The following CD109 variants were observed in gnomAD, a reference collection of about 807,000 sequenced individuals.
The protein encoded by CD109 is CD109 antigen.
CD109 carries 149 observed loss-of-function variants against 165.8 expected under a neutral mutation model. The ratio of observed to expected loss-of-function variants is 0.90; its 90% CI spans 0.79 to 1.03. The LOEUF (loss-of-function observed/expected upper bound fraction) is 1.03. Among genes scored for constraint, CD109 ranks in the 50% least tolerant of loss-of-function variants. The pLI, the probability that CD109 is intolerant of heterozygous loss-of-function variation, is 0.00. For missense variants in CD109, 1,712 were observed against 1,677.8 expected (o/e 1.02, Z -0.36); for synonymous variants, 585 against 592.1 (o/e 0.99, Z 0.18).
At chr6:73,711,440 T>TC in intron 2 of CD109, among the ~76,000 whole-genome samples, 1 of 152,254 alleles carries the variant, frequency 6.6e-6, no homozygotes, top group Admixed American at 6.5e-5. Flanking sequence ...ACTTGTGTTT[T>TC]CTGTGTAGAC....
At chr6:73,818,559 CT>C (rs748954500) in intron 31 of CD109, 24 bp downstream of exon 31, 35 of 1,604,430 alleles carry the variant, frequency 2.2e-5, no homozygotes, top group Non-Finnish European at 2.8e-5. Context: ...CATAAGGTAA[CT>C]GTTGACAAAG....
rs556267464 is a variant in CD109 at position 73,806,525 on chromosome 6, A to C, written c.2961-319A>C. ...TTAAAGTATAATAAATAAAAATAAA[A>C]TAAAATAAAATTAAATTAAAAAATG... On this transcript the variant is annotated intron_variant, in intron 24 of 32. Transcript: ENST00000287097. Among the ~76,000 whole-genome samples the C allele has an allele frequency of 3.9e-5, 6 of 152,234 alleles. No individual in the cohort carries two copies. The East Asian group carries it at 1.2e-3, about 29-fold the overall frequency.
At chr6:73,790,099 CTTT>C (rs56024477) in intron 22 of CD109, among the ~76,000 whole-genome samples, 5 of 130,052 alleles carry the variant, frequency 3.8e-5, no homozygotes, top group African/African-American at 1.5e-4. Flanking sequence ...GCTAAAAGTC[CTTT>C]TTTTTTTTTT....
At chr6:73,789,574 C>G (rs888972847) in intron 22 of CD109, among the ~76,000 whole-genome samples, 1 of 151,774 alleles carries the variant, frequency 6.6e-6, no homozygotes, top group African/African-American at 2.4e-5. Flanking sequence ...CTGCCACAGC[C>G]TCCCGAGTAG....
At chr6:73,761,072 A>C (rs60204395) in intron 7 of CD109, among the ~76,000 whole-genome samples, 32 of 122,058 alleles carry the variant, frequency 2.6e-4, no homozygotes, top group African/African-American at 8.9e-4. Flanking sequence ...CACACACACA[A>C]ACCCAGAAAC....
At chr6:73,820,993 G>A (rs1776088265) in intron 32 of CD109, among the ~76,000 whole-genome samples, 1 of 152,112 alleles carries the variant, frequency 6.6e-6, no homozygotes, top group African/African-American at 2.4e-5. Flanking sequence ...AAAAAAGGAT[G>A]AGTTCATGTC....
intron 32 of CD109, among the ~76,000 whole-genome samples, chr6:73,822,477 G>GTTCAA (rs1776137862): frequency 6.6e-6 from 1 of 152,178 alleles, no homozygotes; most frequent in South Asian, 2.1e-4. Flanking sequence ...GAGGAAGAGG[G>GTTCAA]TTCACCCAGG....
At chr6:73,775,799 G>T (rs1774224749) in intron 15 of CD109, among the ~76,000 whole-genome samples, 1 of 152,132 alleles carries the variant, frequency 6.6e-6, no homozygotes. Flanking sequence ...GAGTTAGTTT[G>T]CTAAGGATAA....
chr6:73,782,852 T>C lies in CD109; in HGVS notation c.2105+97T>C. On this transcript the variant is annotated intron_variant, in intron 18 of 32. Coordinates refer to ENST00000287097, the MANE Select transcript of CD109 (RefSeq NM_133493.5). ...TTCTAATGTTTAAGTACAAACATAGTGTAACTAAGAACTAAGTAGACCAAA... is the reference window on the plus strand; with the variant it reads ...TTCTAATGTTTAAGTACAAACATAGCGTAACTAAGAACTAAGTAGACCAAA... 3 of 1,183,222 alleles carry C rather than the reference T, an allele frequency of 2.5e-6. No homozygotes were observed. The East Asian group carries it at 7.1e-5, about 28-fold the overall frequency. 73.3% of individuals were successfully genotyped at this position (1,183,222 alleles called of 1,614,324 possible). A position where few individuals can be genotyped will look rare whatever the true frequency, so the allele number is the denominator to read the frequency against.
rs1489598055 is a variant in CD109 at position 73,772,169 on chromosome 6, AGT to A, written c.1827+593_1827+594del. Among the ~76,000 whole-genome samples, 4 of 152,118 alleles carry A rather than the reference AGT, an allele frequency of 2.6e-5. No homozygotes were observed. In the East Asian group the frequency reaches 7.7e-4, roughly 29 times the overall value. On this transcript the variant is annotated intron_variant, in intron 15 of 32. Transcript: ENST00000287097. ...TAAGAGAGCTTTAGATAATTTTTGA[AGT>A]GTGTTCTATTTTGGTTATACGTAAT...
In CD109 at chr6:73,811,087, AC is replaced by A. The variant is rs1166946378; in HGVS notation, c.3644del (p.Pro1215GlnfsTer4). 60 of 1,613,356 alleles carry A rather than the reference AC, an allele frequency of 3.7e-5. 1 individual carries two copies. The Admixed American group carries it at 7.7e-4, about 21-fold the overall frequency. ...AAGTGACCGTGACGGGGCCTAGCTC[AC>A]CAAGTCCTGTAAAGTTTCTGATTGA... ...IQVTVTGPSS[P>X]SPVKFLIDTH... is the part of the protein sequence containing the mutation. On this transcript the variant is annotated frameshift_variant, in exon 28 of 33. Transcript: ENST00000287097. LOFTEE classifies it high-confidence loss of function.
chr6:73,765,814 A>G, intron 10 of CD109, 116 bp from the exon 11 acceptor site: 1 of 711,348 alleles, frequency 1.4e-6, no homozygotes, highest in East Asian at 2.7e-5. Context: ...TCTGGATATT[A>G]TAGTGCTACC....
intron 5 of CD109, among the ~76,000 whole-genome samples, chr6:73,755,444 G>A (rs1176462416): frequency 6.6e-6 from 1 of 152,084 alleles, no homozygotes; most frequent in Non-Finnish European, 1.5e-5. Context: ...AGTGAACTAT[G>A]GCCTTCTTTT....
At chr6:73,812,318 T>C in intron 29 of CD109, 48 bp downstream of exon 29, 1 of 1,234,520 alleles carries the variant, frequency 8.1e-7, no homozygotes, top group Middle Eastern at 2.0e-4. Flanking sequence ...CTTTTTATAA[T>C]AATTATTTGG....
chr6:73,691,961 T>C (rs1770698691), upstream of CD109, among the ~76,000 whole-genome samples: 1 of 152,200 alleles, frequency 6.6e-6, no homozygotes, highest in Non-Finnish European at 1.5e-5. Context: ...TGGTCTCAAC[T>C]TTAACATTGC....
intron 15 of CD109, among the ~76,000 whole-genome samples, chr6:73,779,848 A>G (rs997611653): frequency 6.6e-6 from 1 of 152,070 alleles, no homozygotes; most frequent in African/African-American, 2.4e-5. Flanking sequence ...AATGAGTACT[A>G]TTCTTAAAAA....
In CD109 at chr6:73,766,966, TTGG is replaced by T. The variant is rs780802817; in HGVS notation, c.1458_1460del (p.Val487del). 9.3e-6 allele frequency: 15 copies of T among 1,613,696 alleles called. No homozygotes were observed. Among genetic ancestry groups the T allele is most frequent in the Middle Eastern group, 1.7e-4 (1 of 6,052 alleles). On this transcript the variant is annotated inframe_deletion, in exon 13 of 33. Coordinates refer to ENST00000287097, the MANE Select transcript of CD109 (RefSeq NM_133493.5). ...TTTCTAGGTGGGATCGCCTTTTGAG[TTGG>T]TGGTTAGTGGCAACAAACGATTGAA... is the stretch of plus-strand genomic sequence containing the variant.
At chr6:73,802,536 G>C (rs1173636228) in intron 23 of CD109, among the ~76,000 whole-genome samples, 1 of 151,592 alleles carries the variant, frequency 6.6e-6, no homozygotes, top group Non-Finnish European at 1.5e-5. Flanking sequence ...TTTTTCTTCT[G>C]TAGCAAACAG....
At chr6:73,767,062 A>G (rs1302824786) in intron 13 of CD109, 52 bp downstream of exon 13, 1 of 1,505,262 alleles carries the variant, frequency 6.6e-7, no homozygotes, top group Non-Finnish European at 9.1e-7. Flanking sequence ...TCATCTTTTT[A>G]TTCACTTTTA....
Sources: gnomAD v4.1 joint callset for allele counts (sites outside exome capture counted in the v4.1 genomes callset) on GRCh38, gnomAD v4.1.1 for gene constraint, MANE v1.5 for transcripts, NCBI Gene and HGNC (gene_info 2026-07-23, HGNC 2026-07-21) for gene names.